UTP18: variants seen among roughly 807,000 people sequenced by gnomAD.
UTP18 encodes the protein U3 small nucleolar RNA-associated protein 18 homolog.
In UTP18, 36 loss-of-function variants were observed where a neutral mutation model predicts 61.1. The ratio of observed to expected loss-of-function variants is 0.59; its 90% CI spans 0.45 to 0.78. UTP18 has a LOEUF of 0.78. UTP18 is among the 30% of genes least tolerant of loss of function. The probability of loss-of-function intolerance (pLI) is 0.00; values close to 1 mark genes in which losing one functional copy is unlikely to be tolerated. For missense variants in UTP18, 753 were observed against 693.9 expected (o/e 1.09, Z -0.96); for synonymous variants, 282 against 251.1 (o/e 1.12, Z -1.16).
chr17:51,277,558 A>G lies in UTP18; in HGVS notation c.1012+254A>G, dbSNP rs117932582. Among the ~76,000 whole-genome samples, 1,119 of 152,310 alleles carry G rather than the reference A, an allele frequency of 7.3e-3. 6 individuals carry two copies. The highest frequency in any genetic ancestry group is 0.012 in the Non-Finnish European group (784 of 68,030). On this transcript the variant is annotated intron_variant, in intron 7 of 13. Transcript: ENST00000225298. ...CCCCTACACCAGACAAGCAATTGCA[A>G]ATACTTGGCTGTAAAGTTAGCAGTT... is the stretch of plus-strand genomic sequence containing the variant.
At chr17:51,282,864 C>CT (rs1904987373) in intron 9 of UTP18, among the ~76,000 whole-genome samples, 2 of 77,570 alleles carry the variant, frequency 2.6e-5, no homozygotes, top group African/African-American at 1.3e-4. Context: ...TCTTCTTCTT[C>CT]TTCTTTTTTT....
intron 4 of UTP18, among the ~76,000 whole-genome samples, chr17:51,270,193 T>G (rs1904479677): frequency 6.6e-6 from 1 of 152,204 alleles, no homozygotes; most frequent in Non-Finnish European, 1.5e-5. Context: ...TAAGAACTGT[T>G]AGACAGTTTT....
rs10695281 is a variant in UTP18 at position 51,265,562 on chromosome 17, C to CTTTTTTTTT, written c.456-607_456-599dup. ...GCAGGCATGAGCCACCGTGCCCGGC[C>CTTTTTTTTT]TTTTTTTTTTTTTTTTTTTTTGAGA... On this transcript the variant is annotated intron_variant, in intron 2 of 13. Coordinates refer to ENST00000225298, the MANE Select transcript of UTP18 (RefSeq NM_016001.3). Among the ~76,000 whole-genome samples the CTTTTTTTTT allele has an allele frequency of 3.6e-4, 31 of 85,560 alleles. 1 individual carries two copies. The highest frequency in any genetic ancestry group is 1.4e-3 in the African/African-American group (28 of 20,218). The allele number at this position is 85,560 out of a possible 152,430, so 56.1% of individuals were successfully genotyped here. A position where few individuals can be genotyped will look rare whatever the true frequency, so the allele number is the denominator to read the frequency against.
intron 1 of UTP18, among the ~76,000 whole-genome samples, chr17:51,261,372 A>G (rs1187116237): frequency 6.6e-6 from 1 of 152,220 alleles, no homozygotes; most frequent in Non-Finnish European, 1.5e-5. Context: ...TATGAGACCC[A>G]CCATGTTTTG....
chr17:51,275,905 G>A lies in UTP18; in HGVS notation c.751G>A (p.Val251Ile). Residue 251 changes from valine to isoleucine, a missense_variant, in exon 6 of 14, where the codon GTT becomes ATT. Transcript: ENST00000225298. The stretch of plus-strand genomic sequence containing the variant: ...GCATGCGAATGCTGAACGTCCTACT[G>A]TTGCTCGGATCTCATCTGTGCAGTT... Reference protein sequence around the residue: ...CQHANAERPTVARISSVQFHP... With the variant: ...CQHANAERPTIARISSVQFHP... 4 of 1,611,682 alleles carry A rather than the reference G, an allele frequency of 2.5e-6. No individual in the cohort carries two copies. The highest frequency in any genetic ancestry group is 3.4e-6 in the Non-Finnish European group (4 of 1,179,256).
intron 7 of UTP18, among the ~76,000 whole-genome samples, chr17:51,278,846 T>C (rs1030457665): frequency 2.0e-5 from 3 of 152,208 alleles, no homozygotes; most frequent in Admixed American, 2.0e-4. Flanking sequence ...GTAAGGAGAC[T>C]AGTCATCAGC....
intron 6 of UTP18, 95 bp downstream of exon 6, chr17:51,276,086 T>C (rs1183075190): frequency 8.1e-7 from 1 of 1,240,330 alleles, no homozygotes; most frequent in Non-Finnish European, 1.1e-6. Flanking sequence ...CTGAAAAAGA[T>C]ATTCATAGCT....
At chr17:51,271,279 C>T (rs556267029) in intron 4 of UTP18, among the ~76,000 whole-genome samples, 12 of 152,042 alleles carry the variant, frequency 7.9e-5, no homozygotes, top group South Asian at 6.2e-4. Flanking sequence ...ATTAGTAATA[C>T]GTATATTAAA....
chr17:51,274,033 A>G (rs1904630066), intron 5 of UTP18, among the ~76,000 whole-genome samples: 1 of 152,180 alleles, frequency 6.6e-6, no homozygotes, highest in South Asian at 2.1e-4. Flanking sequence ...ACTGCCCTTT[A>G]CAGTCTGGCT....
At position 51,293,974 on chromosome 17, in the gene UTP18, T is replaced by C. The variant is rs528472376; in HGVS notation, c.1575T>C (p.His525=). Residue 525 remains histidine (H), a synonymous_variant, in exon 12 of 14, where the codon CAT becomes CAC. Transcript: ENST00000225298. The stretch of plus-strand genomic sequence containing the variant: ...AAAATAAGAATATTTCTCATGTTCA[T>C]ACCATGGATTTTTCTCCGAGAAGTG... ...VIKNKNISHV[H]TMDFSPRSGY... is the part of the protein sequence containing the mutation. 3.1e-4 allele frequency: 492 copies of C among 1,610,978 alleles called. 2 individuals are homozygous for C. In the South Asian group the frequency reaches 3.2e-3, roughly 10 times the overall value.
chr17:51,267,903 C>T (rs1904350980), intron 3 of UTP18, among the ~76,000 whole-genome samples: 1 of 151,814 alleles, frequency 6.6e-6, no homozygotes, highest in Non-Finnish European at 1.5e-5. Flanking sequence ...TTGTTTATGG[C>T]TCGTGGGCTT....
At position 51,277,272 on chromosome 17, in the gene UTP18, C is replaced by T. The variant is rs1402571509; in HGVS notation, c.980C>T (p.Ala327Val). 2 of 1,613,982 alleles carry T rather than the reference C, an allele frequency of 1.2e-6. No homozygotes were observed. The highest frequency in any genetic ancestry group is 1.7e-6 in the Non-Finnish European group (2 of 1,180,010). ...SKVLYVYDML[A>V]GKLIPVHQVR... The stretch of plus-strand genomic sequence containing the variant: ...GTTCTTTATGTCTATGACATGCTGG[C>T]TGGAAAGTTAATTCCTGTGCATCAA... Residue 327 changes from alanine (A) to valine (V), a missense_variant, in exon 7 of 14, where the codon GCT becomes GTT. By Grantham distance (64) the Ala-to-Val change is moderately conservative (BLOSUM62 0). Coordinates refer to ENST00000225298, the MANE Select transcript of UTP18 (RefSeq NM_016001.3).
intron 11 of UTP18, among the ~76,000 whole-genome samples, 181 bp from the exon 12 acceptor site, chr17:51,293,722 G>A (rs1905290338): frequency 6.6e-6 from 1 of 151,950 alleles, no homozygotes; most frequent in Admixed American, 6.6e-5. Flanking sequence ...TAAAAATAAA[G>A]TAATAAAAAA....
intron 7 of UTP18, 92 bp from the exon 8 acceptor site, chr17:51,279,913 T>C: frequency 9.4e-7 from 1 of 1,065,580 alleles, no homozygotes; most frequent in South Asian, 1.6e-5. Context: ...CACTTACGTA[T>C]TTTAAAAAGT....
chr17:51,272,350 C>T (rs763040914), intron 4 of UTP18, among the ~76,000 whole-genome samples: 29 of 152,156 alleles, frequency 1.9e-4, no homozygotes, highest in African/African-American at 3.4e-4. Flanking sequence ...CCACTCACCT[C>T]GGCCTCGCAA....
intron 4 of UTP18, among the ~76,000 whole-genome samples, chr17:51,271,302 A>G (rs886733768): frequency 2.0e-5 from 3 of 151,058 alleles, no homozygotes; most frequent in Admixed American, 6.6e-5. Context: ...TCTTCCACCT[A>G]TTTTTTGGTT....
chr17:51,264,799 C>T (rs1317684610), intron 2 of UTP18, among the ~76,000 whole-genome samples: 1 of 151,694 alleles, frequency 6.6e-6, no homozygotes, highest in Non-Finnish European at 1.5e-5. Flanking sequence ...TCTCCTGCTT[C>T]AGCCTCCCAA....
chr17:51,269,531 T>G (rs1904441866), intron 4 of UTP18, among the ~76,000 whole-genome samples: 1 of 152,024 alleles, frequency 6.6e-6, no homozygotes, highest in Non-Finnish European at 1.5e-5. Flanking sequence ...TCACATCATG[T>G]GGGAGCTCCT....
intron 7 of UTP18, among the ~76,000 whole-genome samples, chr17:51,278,826 G>A (rs1904815216): frequency 6.6e-6 from 1 of 152,182 alleles, no homozygotes; most frequent in Non-Finnish European, 1.5e-5. Flanking sequence ...ATAGTGGAGT[G>A]CCTTTCATAG....
Sources: allele counts gnomAD v4.1 joint callset (sites outside exome capture counted in the v4.1 genomes callset), GRCh38; gene constraint gnomAD v4.1.1; transcripts MANE v1.5; gene names NCBI Gene and HGNC (gene_info 2026-07-23, HGNC 2026-07-21).